The following ALK variants were observed in gnomAD, a reference collection of about 807,000 sequenced individuals.
The protein encoded by ALK is ALK receptor tyrosine kinase.
ALK carries 74 observed loss-of-function variants against 163.1 expected under a neutral mutation model. The observed-to-expected ratio is 0.45, with a 90% CI of 0.38 to 0.55. The LOEUF is 0.55. Among genes scored for constraint, ALK ranks in the 20% least tolerant of loss-of-function variants. The pLI is 0.00. For synonymous variants in ALK, 960 were observed against 843.2 expected (o/e 1.14, Z -2.40); for missense variants, 2,063 against 2,105.3 (o/e 0.98, Z 0.39).
chr2:29,380,892 C>G (rs1668879863), intron 5 of ALK, among the ~76,000 whole-genome samples: 2 of 152,168 alleles, frequency 1.3e-5, no homozygotes, highest in Admixed American at 1.3e-4. Context: ...AAGGGGAAGA[C>G]ACAAATCCAA....
chr2:29,766,481 T>A (rs1680866059), intron 1 of ALK, among the ~76,000 whole-genome samples: 1 of 152,138 alleles, frequency 6.6e-6, no homozygotes, highest in Admixed American at 6.5e-5. Context: ...GAAACCTCCT[T>A]CTCTTCCCCA....
intron 3 of ALK, among the ~76,000 whole-genome samples, chr2:29,589,709 G>T (rs755728621): frequency 6.6e-6 from 1 of 152,180 alleles, no homozygotes; most frequent in Non-Finnish European, 1.5e-5. Context: ...CTCGTTCATG[G>T]TTACAGCTCG....
At chr2:29,432,330 G>C (rs1327544705) in intron 4 of ALK, among the ~76,000 whole-genome samples, 1 of 151,858 alleles carries the variant, frequency 6.6e-6, no homozygotes, top group African/African-American at 2.4e-5. Context: ...AAAGAGCCTG[G>C]CACCATCTTC....
chr2:29,622,382 C>T (rs958279723), intron 3 of ALK, among the ~76,000 whole-genome samples: 5 of 152,148 alleles, frequency 3.3e-5, no homozygotes, highest in South Asian at 2.1e-4. Flanking sequence ...TACATGGCAG[C>T]GGCAAGAGAA....
At chr2:29,492,753 C>A (rs1181709292) in intron 4 of ALK, among the ~76,000 whole-genome samples, 1 of 152,166 alleles carries the variant, frequency 6.6e-6, no homozygotes, top group Non-Finnish European at 1.5e-5. Context: ...AGGGATGGAA[C>A]CCATGGCTTT....
At chr2:29,675,684 T>G (rs185267519) in intron 3 of ALK, among the ~76,000 whole-genome samples, 1 of 152,160 alleles carries the variant, frequency 6.6e-6, no homozygotes, top group Admixed American at 6.6e-5. Context: ...GGACAATTCT[T>G]TACCTTCTTT....
At chr2:29,606,433 T>C (rs1478375309) in intron 3 of ALK, among the ~76,000 whole-genome samples, 1 of 152,238 alleles carries the variant, frequency 6.6e-6, no homozygotes, top group Admixed American at 6.5e-5. Flanking sequence ...ACCTTTGTGC[T>C]AAATTGCAAA....
intron 1 of ALK, among the ~76,000 whole-genome samples, chr2:29,880,187 C>T (rs930829709): frequency 2.0e-5 from 3 of 152,158 alleles, no homozygotes; most frequent in Non-Finnish European, 4.4e-5. Flanking sequence ...AAAATCTTCC[C>T]CTGGCTGCCT....
intron 4 of ALK, among the ~76,000 whole-genome samples, chr2:29,449,505 T>C (rs748320477): frequency 9.2e-5 from 14 of 152,208 alleles, no homozygotes; most frequent in Admixed American, 6.5e-5. Context: ...TGTTGGGGCC[T>C]CCATTAATGT....
At chr2:29,678,660 T>C (rs182192746) in intron 3 of ALK, among the ~76,000 whole-genome samples, 3 of 151,534 alleles carry the variant, frequency 2.0e-5, no homozygotes, top group Admixed American at 2.0e-4. Context: ...AAGGATATAC[T>C]TTTTAAATTT....
At position 29,848,251 on chromosome 2, in the gene ALK, G is replaced by T. The variant is rs547277754; in HGVS notation, c.667+71742C>A. On this transcript the variant is annotated intron_variant, in intron 1 of 28. Transcript: ENST00000389048. ...TGCGAAAGGCAAAAATTGATATTTT[G>T]AATTGCATAGATTCAAAACTATCCT... is the stretch of plus-strand genomic sequence containing the variant. 8.7e-5 allele frequency among the ~76,000 whole-genome samples: 13 copies of T among 150,120 alleles called. No homozygotes were observed. The East Asian group carries it at 2.4e-3, about 27-fold the overall frequency.
intron 3 of ALK, among the ~76,000 whole-genome samples, chr2:29,595,225 C>T (rs1171107837): frequency 6.6e-6 from 1 of 151,926 alleles, no homozygotes; most frequent in Non-Finnish European, 1.5e-5. Flanking sequence ...AACAAACACA[C>T]TTTTGCTAAA....
At chr2:29,777,447 T>C (rs755312388) in intron 1 of ALK, among the ~76,000 whole-genome samples, 9 of 152,038 alleles carry the variant, frequency 5.9e-5, no homozygotes, top group Admixed American at 2.0e-4. Flanking sequence ...GCAGACCTTC[T>C]CTCTACATCC....
intron 9 of ALK, among the ~76,000 whole-genome samples, chr2:29,284,838 G>A (rs561274459): frequency 4.6e-5 from 7 of 152,260 alleles, no homozygotes; most frequent in South Asian, 4.2e-4. Context: ...GTTGCACATC[G>A]TGTGCTGAGC....
chr2:29,412,091 T>C (rs1263811137), intron 4 of ALK, among the ~76,000 whole-genome samples: 2 of 152,200 alleles, frequency 1.3e-5, no homozygotes, highest in Admixed American at 6.5e-5. Context: ...GTAGTAGGCC[T>C]GAAGAGCTGC....
rs370947313 is a variant in ALK at position 29,193,349 on chromosome 2, C to T, written c.4738G>A (p.Gly1580Arg). Residue 1580 changes from glycine (G) to arginine (R), a missense_variant, in exon 29 of 29, where the codon GGG (glycine) becomes AGG (arginine). By Grantham distance (125) the Gly-to-Arg change is moderately radical (BLOSUM62 -2). Transcript: ENST00000389048. ...PLFRLRHFPC[G>R]NVNYGYQQQG... is the part of the protein sequence containing the mutation. ...TGCTGGTAGCCGTAATTGACATTCC[C>T]ACAAGGGAAGTGACGTAGCCTGAAC... 1.7e-5 allele frequency: 28 copies of T among 1,614,076 alleles called. No homozygotes were observed. The highest frequency in any genetic ancestry group is 2.2e-5 in the South Asian group (2 of 91,082).
intron 3 of ALK, among the ~76,000 whole-genome samples, chr2:29,649,530 T>C (rs1329411787): frequency 1.3e-5 from 2 of 151,936 alleles, no homozygotes; most frequent in Non-Finnish European, 1.5e-5. Context: ...GAATGAACCA[T>C]TGAATGATTC....
chr2:29,351,923 A>T (rs377028352), intron 5 of ALK, among the ~76,000 whole-genome samples: 1 of 152,284 alleles, frequency 6.6e-6, no homozygotes, highest in Admixed American at 6.5e-5. Flanking sequence ...GGGTCCCTGC[A>T]GCTCTAGGTA....
rs66468654 is a variant in ALK at position 29,420,156 on chromosome 2, TAAAAA to T, written c.1155-36302_1155-36298del. 6.6e-4 allele frequency among the ~76,000 whole-genome samples: 72 copies of T among 108,756 alleles called. 2 individuals carry two copies. The highest frequency in any genetic ancestry group is 2.4e-3 in the African/African-American group (62 of 25,704). The allele number at this position is 108,756 out of a possible 152,430, so 71.3% of individuals were successfully genotyped here. A position where few individuals can be genotyped will look rare whatever the true frequency, so the allele number is the denominator to read the frequency against. The stretch of plus-strand genomic sequence containing the variant: ...TGGGTGACAAAGTGAGACCCTGTCT[TAAAAA>T]AAAAAAAAAAAAAAAAAGGTAGGGA... On this transcript the variant is annotated intron_variant, in intron 4 of 28. Transcript: ENST00000389048.
Sources: allele counts gnomAD v4.1 joint callset (sites outside exome capture counted in the v4.1 genomes callset), GRCh38; gene constraint gnomAD v4.1.1; transcripts MANE v1.5; gene names NCBI Gene and HGNC (gene_info 2026-07-23, HGNC 2026-07-21).